The following TBC1D30 variants were observed in gnomAD, a reference collection of about 807,000 sequenced individuals.
TBC1D30 encodes TBC1 domain family member 30.
A neutral mutation model predicts 63.2 loss-of-function variants in TBC1D30; 31 were observed. The ratio of observed to expected loss-of-function variants is 0.49; its 90% CI spans 0.37 to 0.66. TBC1D30 has a LOEUF of 0.66. Among genes scored for constraint, TBC1D30 ranks in the 30% least tolerant of loss-of-function variants. The pLI is 0.00. For synonymous variants in TBC1D30, 307 were observed against 361.5 expected, an observed-to-expected ratio of 0.85 and a Z score of 1.71; for missense variants, 810 against 953.6, an observed-to-expected ratio of 0.85 and a Z score of 1.98.
chr12:64,858,674 T>A (rs944042205), intron 8 of TBC1D30, among the ~76,000 whole-genome samples: 1 of 152,248 alleles, frequency 6.6e-6, no homozygotes, highest in Non-Finnish European at 1.5e-5. Context: ...AGCACTTCCT[T>A]GTTACTAACC....
intron 2 of TBC1D30, among the ~76,000 whole-genome samples, chr12:64,815,195 A>C (rs1326563851): frequency 6.6e-6 from 1 of 152,198 alleles, no homozygotes. Context: ...CTTTTGAGTC[A>C]ATTTTTTAAT....
At chr12:64,863,472 T>C (rs1463684566) in intron 8 of TBC1D30, among the ~76,000 whole-genome samples, 1 of 152,220 alleles carries the variant, frequency 6.6e-6, no homozygotes, top group Non-Finnish European at 1.5e-5. Context: ...GTCTGGAGTG[T>C]CTATGATAAG....
chr12:64,848,223 A>G (rs1338150519), intron 8 of TBC1D30, among the ~76,000 whole-genome samples: 1 of 150,538 alleles, frequency 6.6e-6, no homozygotes, highest in African/African-American at 2.4e-5. Context: ...TTTGCTTTCC[A>G]TTGGCATGGA....
intron 2 of TBC1D30, among the ~76,000 whole-genome samples, chr12:64,811,530 C>G (rs934775532): frequency 1.3e-5 from 2 of 152,168 alleles, no homozygotes; most frequent in African/African-American, 4.8e-5. Context: ...AGATTTCTCC[C>G]GGATGAGTTA....
intron 2 of TBC1D30, among the ~76,000 whole-genome samples, chr12:64,795,730 C>T (rs1469077062): frequency 1.4e-4 from 20 of 143,854 alleles, no homozygotes; most frequent in African/African-American, 4.9e-4. Flanking sequence ...GTCCTTCACT[C>T]TGGTCCTTGC....
chr12:64,838,066 A>G, intron 6 of TBC1D30, among the ~76,000 whole-genome samples: 1 of 152,326 alleles, frequency 6.6e-6, no homozygotes, highest in African/African-American at 2.4e-5. Flanking sequence ...CACATAAAGT[A>G]AGAGGGAGTA....
intron 5 of TBC1D30, among the ~76,000 whole-genome samples, chr12:64,833,935 G>A (rs1039313200): frequency 5.3e-5 from 8 of 151,908 alleles, no homozygotes; most frequent in African/African-American, 1.9e-4. Flanking sequence ...ATTGGAATAA[G>A]TGAATCAAGT....
intron 2 of TBC1D30, among the ~76,000 whole-genome samples, chr12:64,795,903 A>C (rs1872234006): frequency 6.6e-6 from 1 of 151,722 alleles, no homozygotes; most frequent in Admixed American, 6.6e-5. Context: ...TATCATTTAG[A>C]TTAGGGTAGA....
chr12:64,873,447 C>T (rs552808668), intron 11 of TBC1D30, among the ~76,000 whole-genome samples: 1 of 152,140 alleles, frequency 6.6e-6, no homozygotes, highest in African/African-American at 2.4e-5. Flanking sequence ...TAGGTTGGGG[C>T]TTTACTAGCA....
chr12:64,801,457 T>G (rs1872580257), intron 2 of TBC1D30, among the ~76,000 whole-genome samples: 1 of 152,234 alleles, frequency 6.6e-6, no homozygotes, highest in Admixed American at 6.5e-5. Context: ...GGAAAGGGAC[T>G]GCTTGGGAAG....
intron 5 of TBC1D30, 119 bp from the exon 6 acceptor site, chr12:64,836,371 A>T: frequency 1.3e-6 from 1 of 745,360 alleles, no homozygotes. Context: ...TGATGCATTT[A>T]AGGATAGCGT....
intron 1 of TBC1D30, chr12:64,781,336 T>A (rs1871274669): frequency 9.5e-7 from 1 of 1,052,116 alleles, no homozygotes; most frequent in Admixed American, 6.0e-5. Flanking sequence ...AGCCGGGTTG[T>A]CCTCGCCGTC....
chr12:64,876,948 G>A lies in TBC1D30; in HGVS notation c.*1160G>A, dbSNP rs1169991317. On this transcript the variant is annotated 3_prime_UTR_variant, in exon 12 of 12. Transcript: ENST00000539867. ...TCAGTTACTCAAGGTCAGTACTCTC[G>A]GTATTCCAAGTGACTTAGCCACATT... 1 of 455,468 alleles carries A rather than the reference G, an allele frequency of 2.2e-6. No individual in the cohort carries two copies. 28.2% of individuals were successfully genotyped at this position (455,468 alleles called of 1,614,324 possible). A position where few individuals can be genotyped will look rare whatever the true frequency, so the allele number is the denominator to read the frequency against.
chr12:64,785,911 A>G, exon 2 of TBC1D30: 2 of 1,289,842 alleles, frequency 1.6e-6, no homozygotes, highest in Non-Finnish European at 2.0e-6. Flanking sequence ...ATCCTTCGAG[A>G]GCTAAAGTAC....
chr12:64,835,670 A>G (rs1875284423), intron 5 of TBC1D30, among the ~76,000 whole-genome samples: 3 of 152,164 alleles, frequency 2.0e-5, no homozygotes, highest in South Asian at 2.1e-4. Context: ...ATTCAATACT[A>G]TTATAACTCT....
chr12:64,811,308 C>T (rs1873207508), intron 2 of TBC1D30, among the ~76,000 whole-genome samples: 1 of 152,122 alleles, frequency 6.6e-6, no homozygotes, highest in Non-Finnish European at 1.5e-5. Flanking sequence ...ACAGCTGCTC[C>T]CTGCATGGGA....
At chr12:64,829,916 G>A (rs986572555) in intron 3 of TBC1D30, among the ~76,000 whole-genome samples, 2 of 152,186 alleles carry the variant, frequency 1.3e-5, no homozygotes, top group Non-Finnish European at 2.9e-5. Context: ...TTTTGTGTAT[G>A]TGTGTGAGAG....
At chr12:64,780,875 G>A in exon 1 of TBC1D30, 2 of 1,013,162 alleles carry the variant, frequency 2.0e-6, no homozygotes, top group Non-Finnish European at 2.4e-6. Context: ...CCGCGGCGGC[G>A]GTGGCGAGGC....
intron 8 of TBC1D30, among the ~76,000 whole-genome samples, chr12:64,858,042 T>C (rs1342870080): frequency 5.3e-5 from 8 of 152,200 alleles, no homozygotes; most frequent in Non-Finnish European, 1.2e-4. Flanking sequence ...TTCCATGATA[T>C]GGAGTTCAAA....
Sources: allele counts gnomAD v4.1 joint callset (sites outside exome capture counted in the v4.1 genomes callset), GRCh38; gene constraint gnomAD v4.1.1; transcripts MANE v1.5; gene names NCBI Gene and HGNC (gene_info 2026-07-23, HGNC 2026-07-21).